Variants in CCT3 observed in about 807,000 individuals in gnomAD.
CCT3 encodes the protein T-complex protein 1 subunit gamma.
CCT3 carries 10 observed loss-of-function variants against 65.3 expected under a neutral mutation model. The ratio of observed to expected loss-of-function variants is 0.15; its 90% CI spans 0.09 to 0.26. The LOEUF is 0.26. CCT3 is among the 10% of genes least tolerant of loss of function. The pLI is 1.00. For missense variants in CCT3, 626 were observed against 708.7 expected, an observed-to-expected ratio of 0.88 and a Z score of 1.33; for synonymous variants, 225 against 242.3, an observed-to-expected ratio of 0.93 and a Z score of 0.66.
intron 12 of CCT3, 50 bp from the exon 13 acceptor site, chr1:156,310,739 C>A: frequency 6.2e-7 from 1 of 1,602,796 alleles, no homozygotes; most frequent in East Asian, 2.2e-5. Context: ...CAGGAAACAT[C>A]AGGTAAGAAA....
Position 156,310,640 on chromosome 1 carries a change from G to A in CCT3, c.1451C>T (p.Thr484Met), listed in dbSNP as rs777799358. ...TTCCTTCATGTCCACCAAAGTACCC[G>A]TCTCACCATTTACACCCCAGGTCTC... is the stretch of plus-strand genomic sequence containing the variant. ...NCETWGVNGE[T>M]GTLVDMKELG... Residue 484 changes from threonine to methionine, a missense_variant, in exon 13 of 14, where the codon ACG becomes ATG. Thr to Met is a moderately conservative substitution (Grantham distance 81). Transcript: ENST00000295688. The A allele has an allele frequency of 8.4e-5, 136 of 1,613,790 alleles. No homozygotes were observed. Among genetic ancestry groups the A allele is most frequent in the Non-Finnish European group, 5.8e-5 (68 of 1,179,858 alleles).
intron 6 of CCT3, among the ~76,000 whole-genome samples, chr1:156,323,857 G>T (rs1328036738): frequency 6.6e-6 from 1 of 152,052 alleles, no homozygotes; most frequent in East Asian, 1.9e-4. Context: ...CCGCCTCCCG[G>T]GTTCAAGTGA....
intron 12 of CCT3, 116 bp from the exon 13 acceptor site, chr1:156,310,805 G>A: frequency 6.9e-7 from 1 of 1,446,630 alleles, no homozygotes; most frequent in Admixed American, 2.0e-5. Context: ...GGCAATGACA[G>A]CAAACAAGTC....
chr1:156,317,142 C>CT (rs1252371324), intron 10 of CCT3, 24 bp downstream of exon 10: 1 of 1,599,586 alleles, frequency 6.3e-7, no homozygotes, highest in Admixed American at 1.7e-5. Flanking sequence ...GAAGAAAAGT[C>CT]TTGTTTTTAC....
intron 2 of CCT3, 26 bp from the exon 3 acceptor site, chr1:156,334,944 G>A (rs370130841): frequency 1.1e-4 from 175 of 1,608,808 alleles, no homozygotes; most frequent in Non-Finnish European, 1.4e-4. Context: ...CATAAAATAC[G>A]CAAGCACAAA....
At chr1:156,317,876 CT>C (rs1002713816) in intron 8 of CCT3, among the ~76,000 whole-genome samples, 3 of 150,842 alleles carry the variant, frequency 2.0e-5, no homozygotes, top group Non-Finnish European at 3.0e-5. Flanking sequence ...CCCCAGCTAA[CT>C]TTTTTTTTGT....
chr1:156,326,565 G>A (rs1366396279), intron 5 of CCT3, among the ~76,000 whole-genome samples: 1 of 145,670 alleles, frequency 6.9e-6, no homozygotes, highest in African/African-American at 2.5e-5. Context: ...CAGGAGAATC[G>A]CTTGAACCAG....
chr1:156,311,033 C>T lies in CCT3; in HGVS notation c.1318G>A (p.Val440Ile). Reference protein sequence around the residue: ...TGVEQWPYRAVAQALEVIPRT... With the variant: ...TGVEQWPYRAIAQALEVIPRT... ...GGAATGACCTCTAGGGCCTGGGCAA[C>T]AGCCCTGTATGGCCATTGTTCCACA... Residue 440 changes from valine (V) to isoleucine (I), a missense_variant, in exon 12 of 14, where the codon GTT (valine) becomes ATT (isoleucine). Val to Ile is a conservative substitution (Grantham distance 29). Transcript: ENST00000295688. The T allele has an allele frequency of 6.2e-7, 1 of 1,614,080 alleles. No homozygotes were observed. The highest frequency in any genetic ancestry group is 8.5e-7 in the Non-Finnish European group (1 of 1,179,986).
intron 4 of CCT3, 136 bp downstream of exon 4, chr1:156,334,577 G>A (rs1230403935): frequency 2.7e-6 from 2 of 739,288 alleles, no homozygotes; most frequent in Non-Finnish European, 4.5e-6. Flanking sequence ...ATAAATTTCT[G>A]TTGTTGAAGC....
At chr1:156,328,729 C>G (rs953132537) in intron 5 of CCT3, among the ~76,000 whole-genome samples, 1 of 152,090 alleles carries the variant, frequency 6.6e-6, no homozygotes, top group East Asian at 1.9e-4. Flanking sequence ...CGGAAGGCAG[C>G]AGGGTCCTCT....
intron 5 of CCT3, among the ~76,000 whole-genome samples, chr1:156,331,654 G>C (rs1665101452): frequency 6.6e-6 from 1 of 151,830 alleles, no homozygotes; most frequent in Non-Finnish European, 1.5e-5. Context: ...ATGCACTGCA[G>C]CCTGGGCGAC....
chr1:156,333,825 T>C (rs1019674254), intron 4 of CCT3, among the ~76,000 whole-genome samples, 182 bp from the exon 5 acceptor site: 1 of 152,226 alleles, frequency 6.6e-6, no homozygotes, highest in Non-Finnish European at 1.5e-5. Flanking sequence ...TTCCAAATCC[T>C]TTTTGGGAAA....
intron 5 of CCT3, among the ~76,000 whole-genome samples, chr1:156,325,386 G>A (rs1048078486): frequency 5.9e-5 from 9 of 152,008 alleles, no homozygotes; most frequent in African/African-American, 2.2e-4. Flanking sequence ...ATTTAGCTTA[G>A]TGTGGTGGTA....
At chr1:156,321,055 A>C in intron 6 of CCT3, 30 bp from the exon 7 acceptor site, 1 of 1,582,032 alleles carries the variant, frequency 6.3e-7, no homozygotes. Context: ...ACGATATGTG[A>C]AGAAGGCATG....
At chr1:156,327,263 T>C (rs1345324027) in intron 5 of CCT3, among the ~76,000 whole-genome samples, 1 of 152,086 alleles carries the variant, frequency 6.6e-6, no homozygotes, top group Non-Finnish European at 1.5e-5. Flanking sequence ...GTACATAGCC[T>C]CTCGCCTCTC....
chr1:156,314,385 C>A (rs1398798646), intron 10 of CCT3, among the ~76,000 whole-genome samples: 1 of 152,098 alleles, frequency 6.6e-6, no homozygotes, highest in Admixed American at 6.6e-5. Flanking sequence ...CTTGGAGAAA[C>A]TCAAGAGCTA....
intron 10 of CCT3, among the ~76,000 whole-genome samples, chr1:156,316,758 G>C (rs1340415187): frequency 6.6e-6 from 1 of 152,160 alleles, no homozygotes; most frequent in African/African-American, 2.4e-5. Context: ...ATCTAGAATC[G>C]CATAAATCGC....
intron 1 of CCT3, chr1:156,337,738 A>G (rs1385892341): frequency 4.7e-6 from 1 of 214,352 alleles, no homozygotes; most frequent in African/African-American, 2.3e-5. Context: ...AGATTGAAAC[A>G]TTTAAATTAC....
intron 1 of CCT3, chr1:156,337,318 G>A: frequency 3.6e-6 from 1 of 275,762 alleles, no homozygotes; most frequent in Non-Finnish European, 7.1e-6. Context: ...TAAGGCAGGA[G>A]GATCGCTTGA....
Sources: gnomAD v4.1 joint callset for allele counts (sites outside exome capture counted in the v4.1 genomes callset) on GRCh38, gnomAD v4.1.1 for gene constraint, MANE v1.5 for transcripts, NCBI Gene and HGNC (gene_info 2026-07-23, HGNC 2026-07-21) for gene names.